The following FHOD3 variants were observed in gnomAD, a reference collection of about 807,000 sequenced individuals.
FHOD3 encodes the protein FH1/FH2 domain-containing protein 3.
FHOD3 carries 90 observed loss-of-function variants against 173.0 expected under a neutral mutation model. The observed-to-expected ratio is 0.52, with a 90% CI of 0.44 to 0.62. The LOEUF (loss-of-function observed/expected upper bound fraction) is 0.62, where lower values mean the gene tolerates loss of function less well. FHOD3 is among the 20% of genes least tolerant of loss of function. The pLI is 0.00. For missense variants in FHOD3, 1,945 were observed against 2,034.7 expected, an observed-to-expected ratio of 0.96 and a Z score of 0.85; for synonymous variants, 828 against 823.0, an observed-to-expected ratio of 1.01 and a Z score of -0.10.
intron 6 of FHOD3, among the ~76,000 whole-genome samples, chr18:36,580,668 T>C (rs2058818187): frequency 6.6e-6 from 1 of 152,196 alleles, no homozygotes; most frequent in African/African-American, 2.4e-5. Flanking sequence ...CTGATACTCT[T>C]CCCTCACCCC....
chr18:36,552,335 C>T (rs1234169997), intron 5 of FHOD3, among the ~76,000 whole-genome samples: 4 of 152,070 alleles, frequency 2.6e-5, no homozygotes, highest in East Asian at 1.9e-4. Flanking sequence ...GTGATTTCTG[C>T]ACATTGATTT....
intron 3 of FHOD3, among the ~76,000 whole-genome samples, chr18:36,424,544 A>G (rs754112430): frequency 1.3e-5 from 2 of 152,204 alleles, no homozygotes; most frequent in East Asian, 3.8e-4. Flanking sequence ...CTCAGCACCT[A>G]GAATGGTGTC....
At chr18:36,650,110 G>T (rs1290827949) in intron 11 of FHOD3, among the ~76,000 whole-genome samples, 4 of 152,172 alleles carry the variant, frequency 2.6e-5, no homozygotes, top group African/African-American at 9.6e-5. Context: ...AGTAAAAATT[G>T]CTCATGGGTA....
intron 3 of FHOD3, among the ~76,000 whole-genome samples, chr18:36,428,227 C>CA (rs778116142): frequency 1.1e-4 from 17 of 152,090 alleles, no homozygotes; most frequent in African/African-American, 3.6e-4. Context: ...CTTGACTCCC[C>CA]AAGCAGATGA....
In FHOD3 at chr18:36,717,900, C is replaced by T. The variant is rs377466268; in HGVS notation, c.2602C>T (p.Arg868Trp). The T allele has an allele frequency of 1.4e-5, 23 of 1,612,812 alleles. No individual in the cohort carries two copies. Among genetic ancestry groups the T allele is most frequent in the Middle Eastern group, 1.6e-4 (1 of 6,072 alleles). Residue 868 changes from arginine to tryptophan, a missense_variant, in exon 19 of 29, where the codon CGG (arginine) becomes TGG (tryptophan). This residue lies in a region of FHOD3 where 1,099 missense variants were observed against 1,051.2 expected (regional missense o/e 1.05). Coordinates refer to ENST00000590592, the MANE Select transcript of FHOD3 (RefSeq NM_001281740.3). ...GTGTGGCGACATCCTCACCAACAAA[C>T]GGTTCATGCTTGACATGCTGTATGC... Reference protein sequence around the residue: ...GQCGDILTNKRFMLDMLYAHN... With the variant: ...GQCGDILTNKWFMLDMLYAHN...
chr18:36,357,802 C>A (rs1008672668), intron 2 of FHOD3, among the ~76,000 whole-genome samples: 2 of 152,130 alleles, frequency 1.3e-5, no homozygotes, highest in African/African-American at 4.8e-5. Context: ...ATGAGTAGAT[C>A]ATTGTCAGCT....
At chr18:36,617,878 GTTACAGGATCAATT>G (rs1209511561) in intron 9 of FHOD3, among the ~76,000 whole-genome samples, 5 of 152,036 alleles carry the variant, frequency 3.3e-5, no homozygotes, top group Non-Finnish European at 5.9e-5. Context: ...ACTTCCTATT[GTTACAGGATCAATT>G]TTGCTAAATT....
intron 2 of FHOD3, among the ~76,000 whole-genome samples, chr18:36,365,824 A>C (rs2046872965): frequency 6.6e-6 from 1 of 152,138 alleles, no homozygotes; most frequent in Admixed American, 6.5e-5. Flanking sequence ...TGACTGAGAA[A>C]GTTCATTCCG....
At chr18:36,327,170 C>T (rs149855896) in intron 1 of FHOD3, among the ~76,000 whole-genome samples, 281 of 152,296 alleles carry the variant, frequency 1.8e-3, no homozygotes, top group Admixed American at 5.6e-3. Flanking sequence ...ATCTTTCCCC[C>T]TCAACAATGC....
At chr18:36,632,879 T>C (rs957392500) in intron 10 of FHOD3, among the ~76,000 whole-genome samples, 4 of 152,164 alleles carry the variant, frequency 2.6e-5, no homozygotes, top group African/African-American at 9.7e-5. Flanking sequence ...AGTGAGAGTT[T>C]ATTAAAAAAT....
intron 1 of FHOD3, among the ~76,000 whole-genome samples, chr18:36,310,296 G>A (rs2092221866): frequency 6.6e-6 from 1 of 152,190 alleles, no homozygotes. Flanking sequence ...GATGGGCTGG[G>A]GAAGTAAGGC....
Position 36,647,008 on chromosome 18 carries a change from G to A in FHOD3, c.1197-2308G>A, listed in dbSNP as rs540224147. 2.0e-5 allele frequency among the ~76,000 whole-genome samples: 3 copies of A among 152,278 alleles called. No homozygotes were observed. The South Asian group carries it at 6.2e-4, about 32-fold the overall frequency. The stretch of plus-strand genomic sequence containing the variant: ...TTCCAGCACTTTGGGAGGCCAAGGC[G>A]GGTGGATCACCTGAGGTCGGGAGTT... On this transcript the variant is annotated intron_variant, in intron 10 of 28. Coordinates refer to ENST00000590592, the MANE Select transcript of FHOD3 (RefSeq NM_001281740.3).
chr18:36,664,741 C>T (rs77268359), intron 14 of FHOD3, among the ~76,000 whole-genome samples: 2,924 of 143,144 alleles, frequency 0.02, 50 homozygotes, highest in Middle Eastern at 0.046. Flanking sequence ...CATTATTGTA[C>T]AAAGATCACA....
rs67473480 is a variant in FHOD3 at position 36,600,252 on chromosome 18, A to AACACACACACACAC, written c.719-2398_719-2385dup. On this transcript the variant is annotated intron_variant, in intron 7 of 28. Transcript: ENST00000590592. The stretch of plus-strand genomic sequence containing the variant: ...CCAGTACAGGAACCCTCTCCTCTGC[A>AACACACACACACAC]ACACACACACACACACACACACACA... Among the ~76,000 whole-genome samples, 475 of 143,160 alleles carry AACACACACACACAC rather than the reference A, an allele frequency of 3.3e-3. 4 individuals are homozygous for AACACACACACACAC. Among genetic ancestry groups the AACACACACACACAC allele is most frequent in the South Asian group, 0.015 (61 of 4,128 alleles). The allele number at this position is 143,160 out of a possible 152,430, so 93.9% of individuals were successfully genotyped here.
At chr18:36,571,599 A>G (rs2058454763) in intron 5 of FHOD3, among the ~76,000 whole-genome samples, 1 of 152,236 alleles carries the variant, frequency 6.6e-6, no homozygotes, top group East Asian at 1.9e-4. Flanking sequence ...AGGAAGAATC[A>G]TACTACCTGA....
intron 3 of FHOD3, among the ~76,000 whole-genome samples, chr18:36,387,638 G>A (rs1048586520): frequency 3.9e-5 from 6 of 152,170 alleles, no homozygotes; most frequent in African/African-American, 1.2e-4. Flanking sequence ...ATTCTAACTA[G>A]CAGCTGCATA....
chr18:36,334,928 C>T (rs936276040), intron 1 of FHOD3, among the ~76,000 whole-genome samples: 11 of 152,182 alleles, frequency 7.2e-5, no homozygotes, highest in African/African-American at 2.4e-4. Context: ...GAGAGGTGTT[C>T]TGAAGTGCTC....
At chr18:36,595,787 G>T (rs184278690) in intron 7 of FHOD3, among the ~76,000 whole-genome samples, 9 of 152,322 alleles carry the variant, frequency 5.9e-5, no homozygotes, top group Admixed American at 2.0e-4. Context: ...CAATTAAAAT[G>T]ATTTTTCTCC....
At chr18:36,703,356 G>A (rs1167007543) in intron 17 of FHOD3, among the ~76,000 whole-genome samples, 1 of 152,152 alleles carries the variant, frequency 6.6e-6, no homozygotes, top group African/African-American at 2.4e-5. Flanking sequence ...TGTTCTGTGC[G>A]GGAGTCAGCA....
Sources: gnomAD v4.1 joint callset for allele counts (sites outside exome capture counted in the v4.1 genomes callset) on GRCh38, gnomAD v4.1.1 for gene constraint, gnomAD v4.1.1 regional missense constraint, MANE v1.5 for transcripts, NCBI Gene and HGNC (gene_info 2026-07-23, HGNC 2026-07-21) for gene names.